MARCHF1: variants seen among roughly 807,000 people sequenced by gnomAD.
MARCHF1 encodes the protein E3 ubiquitin-protein ligase MARCHF1.
Under a neutral mutation model 54.2 loss-of-function variants are expected in MARCHF1, and 40 were observed. The observed-to-expected ratio is 0.74, with a 90% CI of 0.57 to 0.96. The LOEUF is 0.96. Ranked by LOEUF, MARCHF1 falls within the 40% of genes least tolerant of loss-of-function variation. MARCHF1 has a pLI of 0.00. For missense variants in MARCHF1, 586 were observed against 656.5 expected, an observed-to-expected ratio of 0.89 and a Z score of 1.17; for synonymous variants, 236 against 236.3, an observed-to-expected ratio of 1.00 and a Z score of 0.01.
rs181659992 is a variant in MARCHF1, at chr4:164,234,046, A to C, written c.-322-122384T>G. Among the ~76,000 whole-genome samples, 397 of 152,278 alleles carry C rather than the reference A, an allele frequency of 2.6e-3. 2 individuals carry two copies. The highest frequency in any genetic ancestry group is 0.014 in the Middle Eastern group (4 of 294). On this transcript the variant is annotated intron_variant, in intron 1 of 9. Coordinates refer to ENST00000514618, the MANE Select transcript of MARCHF1 (RefSeq NM_001394959.1). The stretch of plus-strand genomic sequence containing the variant: ...AAGAATTTATGTTTATCCATCAGTT[A>C]CTTCTGAATTGTCTCTATCAATTGA...
intron 1 of MARCHF1, among the ~76,000 whole-genome samples, chr4:164,179,199 T>C (rs1045121000): frequency 2.0e-5 from 3 of 152,138 alleles, no homozygotes; most frequent in Non-Finnish European, 2.9e-5. Flanking sequence ...AGAGGGAGAT[T>C]ATATTTTTCC....
chr4:164,288,455 C>G (rs1560988683), intron 1 of MARCHF1, among the ~76,000 whole-genome samples: 1 of 151,950 alleles, frequency 6.6e-6, no homozygotes, highest in Non-Finnish European at 1.5e-5. Flanking sequence ...AGATTCAATT[C>G]TGTTATTGTG....
chr4:164,326,993 GTGTGTGTA>G (rs926530962), intron 1 of MARCHF1, among the ~76,000 whole-genome samples: 11 of 150,050 alleles, frequency 7.3e-5, no homozygotes, highest in African/African-American at 2.8e-4. Context: ...GTGTGTGTGT[GTGTGTGTA>G]TGACTTAGAA....
At chr4:163,871,093 C>T (rs1750159030) in intron 3 of MARCHF1, among the ~76,000 whole-genome samples, 1 of 151,976 alleles carries the variant, frequency 6.6e-6, no homozygotes, top group South Asian at 2.1e-4. Flanking sequence ...TCATTCTGTA[C>T]ACCATTAATA....
At chr4:163,531,692 CTGAT>C (rs1738358747) in intron 9 of MARCHF1, among the ~76,000 whole-genome samples, 2 of 151,730 alleles carry the variant, frequency 1.3e-5, no homozygotes, top group South Asian at 4.1e-4. Context: ...TCTCAAAGAA[CTGAT>C]TAAGTTTTTT....
intron 5 of MARCHF1, among the ~76,000 whole-genome samples, chr4:163,629,660 C>G (rs1359316226): frequency 6.6e-6 from 1 of 152,146 alleles, no homozygotes; most frequent in Non-Finnish European, 1.5e-5. Flanking sequence ...ATCTATCCAT[C>G]TGACAAAGGG....
chr4:164,034,273 T>C (rs1034699568), intron 2 of MARCHF1, among the ~76,000 whole-genome samples: 5 of 152,022 alleles, frequency 3.3e-5, no homozygotes, highest in South Asian at 4.1e-4. Flanking sequence ...TAAGTGGAAG[T>C]TGAATGATGA....
chr4:164,279,570 G>T (rs1733973093), intron 1 of MARCHF1, among the ~76,000 whole-genome samples: 1 of 151,598 alleles, frequency 6.6e-6, no homozygotes, highest in Non-Finnish European at 1.5e-5. Context: ...AATATTTGAG[G>T]TGATGGATAT....
At chr4:164,133,591 C>T (rs919571) in intron 1 of MARCHF1, among the ~76,000 whole-genome samples, 126,992 of 152,182 alleles carry the variant, frequency 0.83, 53,433 homozygotes, top group Non-Finnish European at 0.89. Context: ...AGAAATGATA[C>T]ATTTGCACCT....
chr4:164,220,727 G>GTATATATGTAATATATATGA (rs1732086170), intron 1 of MARCHF1, among the ~76,000 whole-genome samples: 1 of 144,536 alleles, frequency 6.9e-6, no homozygotes, highest in Non-Finnish European at 1.5e-5. Flanking sequence ...TATGATATAT[G>GTATATATGTAATATATATGA]TATATATGTA....
intron 2 of MARCHF1, among the ~76,000 whole-genome samples, chr4:164,071,746 C>A (rs2111092251): frequency 6.6e-6 from 1 of 152,182 alleles, no homozygotes; most frequent in Admixed American, 6.6e-5. Flanking sequence ...GTAAACTTTG[C>A]TTTTAAAATT....
intron 1 of MARCHF1, among the ~76,000 whole-genome samples, chr4:164,312,477 T>C (rs941467741): frequency 1.2e-3 from 187 of 151,552 alleles, no homozygotes; most frequent in African/African-American, 4.2e-3. Flanking sequence ...CGCCCGCCAC[T>C]ACGCCCAGCT....
intron 6 of MARCHF1, 125 bp from the exon 7 acceptor site, chr4:163,613,163 GA>G: frequency 8.1e-7 from 1 of 1,229,906 alleles, no homozygotes; most frequent in Non-Finnish European, 1.1e-6. Context: ...ATCAACTGAA[GA>G]AAATGAACTA....
intron 1 of MARCHF1, among the ~76,000 whole-genome samples, chr4:164,338,193 C>T (rs578254601): frequency 1.3e-5 from 2 of 152,186 alleles, no homozygotes; most frequent in South Asian, 4.1e-4. Flanking sequence ...CTGTAAGACT[C>T]TTATAACTTA....
At chr4:164,271,993 A>T (rs867134931) in intron 1 of MARCHF1, among the ~76,000 whole-genome samples, 1 of 152,116 alleles carries the variant, frequency 6.6e-6, no homozygotes, top group African/African-American at 2.4e-5. Context: ...AAAAGAAGGC[A>T]AAACAAAAAT....
chr4:164,073,928 C>T (rs943730480), intron 2 of MARCHF1, among the ~76,000 whole-genome samples: 3 of 152,100 alleles, frequency 2.0e-5, no homozygotes, highest in Non-Finnish European at 4.4e-5. Flanking sequence ...CTCAGCCTCC[C>T]AAGTAGCTGG....
chr4:163,776,015 C>G (rs1747295529), intron 4 of MARCHF1, among the ~76,000 whole-genome samples: 1 of 152,056 alleles, frequency 6.6e-6, no homozygotes, highest in South Asian at 2.1e-4. Context: ...ATATTTCTGA[C>G]AAGAAGATTC....
chr4:164,162,948 A>G (rs912829827), intron 1 of MARCHF1, among the ~76,000 whole-genome samples: 2 of 152,172 alleles, frequency 1.3e-5, no homozygotes, highest in African/African-American at 4.8e-5. Context: ...CAAGAGCAAC[A>G]GTGGAAGCCA....
At chr4:163,532,336 G>A (rs1441093299) in intron 9 of MARCHF1, among the ~76,000 whole-genome samples, 1 of 151,822 alleles carries the variant, frequency 6.6e-6, no homozygotes, top group Non-Finnish European at 1.5e-5. Flanking sequence ...CAATGGAGAA[G>A]GGATAGTCTT....
Sources: gnomAD v4.1 joint callset for allele counts (sites outside exome capture counted in the v4.1 genomes callset) on GRCh38, gnomAD v4.1.1 for gene constraint, MANE v1.5 for transcripts, NCBI Gene and HGNC (gene_info 2026-07-23, HGNC 2026-07-21) for gene names.